DOCK2: variants seen among roughly 807,000 people sequenced by gnomAD.
DOCK2 encodes dedicator of cytokinesis protein 2.
In DOCK2, 87 loss-of-function variants were observed where a neutral mutation model predicts 248.9. That is an observed-to-expected ratio of 0.35 (90% CI 0.29 to 0.42). The LOEUF (loss-of-function observed/expected upper bound fraction) is 0.42, where lower values mean the gene tolerates loss of function less well. Ranked by LOEUF, DOCK2 falls within the 10% of genes least tolerant of loss-of-function variation. The pLI, the probability that DOCK2 is intolerant of heterozygous loss-of-function variation, is 1.00. For synonymous variants in DOCK2, 805 were observed against 821.6 expected, an observed-to-expected ratio of 0.98 and a Z score of 0.35; for missense variants, 1,747 against 2,300.2, an observed-to-expected ratio of 0.76 and a Z score of 4.92.
Position 170,080,444 on chromosome 5 carries a change from C to G in DOCK2, c.5287+161C>G, listed in dbSNP as rs962839878. The G allele has an allele frequency of 8.3e-6, 9 of 1,081,626 alleles. No homozygotes were observed. The Middle Eastern group carries it at 9.3e-4, about 112-fold the overall frequency. The allele number at this position is 1,081,626 out of a possible 1,614,324, so 67.0% of individuals were successfully genotyped here. ...AGCCACCCACCCTCTAATCTCTCCC[C>G]ACACCCACCACTTCCTGGGGGTGAC... On this transcript the variant is annotated intron_variant, in intron 50 of 51. Coordinates refer to ENST00000520908, the MANE Select transcript of DOCK2 (RefSeq NM_004946.3).
chr5:169,821,271 C>A (rs1768420104), intron 26 of DOCK2, among the ~76,000 whole-genome samples: 1 of 152,108 alleles, frequency 6.6e-6, no homozygotes, highest in Non-Finnish European at 1.5e-5. Flanking sequence ...ACAGAGAACG[C>A]CACAAAGATA....
intron 25 of DOCK2, among the ~76,000 whole-genome samples, chr5:169,797,378 A>G (rs1650873): frequency 0.87 from 132,496 of 152,254 alleles, 57,792 homozygotes; most frequent in East Asian, 0.98. Context: ...TGATACTGGC[A>G]AGGAGCAGGT....
chr5:169,739,991 G>T (rs934895112), intron 22 of DOCK2, among the ~76,000 whole-genome samples: 8 of 152,106 alleles, frequency 5.3e-5, no homozygotes, highest in Non-Finnish European at 1.2e-4. Context: ...TAATTATATT[G>T]GGGGGAAAAA....
At position 170,004,284 on chromosome 5, in the gene DOCK2, C is replaced by A. The variant is rs148562582; in HGVS notation, c.3073-4213C>A. On this transcript the variant is annotated intron_variant, in intron 30 of 51. Transcript: ENST00000520908. ...CACAATGGTTGAACTAGTTTACAGT[C>A]CCACCAACAGTGTAAGAGTGTTCCT... Among the ~76,000 whole-genome samples, 582 of 152,274 alleles carry A rather than the reference C, an allele frequency of 3.8e-3. 5 individuals carry two copies. Among genetic ancestry groups the A allele is most frequent in the African/African-American group, 0.014 (564 of 41,544 alleles).
chr5:170,012,536 G>A (rs767250970), intron 32 of DOCK2, among the ~76,000 whole-genome samples: 3 of 152,178 alleles, frequency 2.0e-5, no homozygotes, highest in Non-Finnish European at 4.4e-5. Context: ...CAGGCTTGAA[G>A]ATTATTTAAC....
intron 27 of DOCK2, among the ~76,000 whole-genome samples, chr5:169,849,543 A>C (rs779367766): frequency 3.3e-5 from 5 of 152,278 alleles, no homozygotes; most frequent in Non-Finnish European, 7.3e-5. Flanking sequence ...GGCAACTTTC[A>C]GAAACATAAA....
intron 26 of DOCK2, among the ~76,000 whole-genome samples, chr5:169,831,622 A>G (rs1769231680): frequency 6.6e-6 from 1 of 152,228 alleles, no homozygotes; most frequent in Non-Finnish European, 1.5e-5. Context: ...CACTTCACTC[A>G]TCTCTAAATC....
chr5:169,726,670 T>C (rs1303876225), intron 22 of DOCK2, among the ~76,000 whole-genome samples: 3 of 152,330 alleles, frequency 2.0e-5, no homozygotes, highest in Non-Finnish European at 4.4e-5. Flanking sequence ...GGCACTTTGT[T>C]AAGTCATGGG....
chr5:170,034,297 TTGAC>T, intron 34 of DOCK2, 98 bp from the exon 35 acceptor site: 17 of 1,460,148 alleles, frequency 1.2e-5, no homozygotes, highest in East Asian at 2.3e-5. Context: ...GGAACTTGGG[TTGAC>T]TGACTGATTT....
intron 15 of DOCK2, among the ~76,000 whole-genome samples, chr5:169,709,188 C>G (rs562271567): frequency 6.6e-6 from 1 of 152,296 alleles, no homozygotes; most frequent in South Asian, 2.1e-4. Context: ...TTCAAGATGC[C>G]CTTCAAACAC....
chr5:169,777,991 G>C (rs1765477875), intron 25 of DOCK2, among the ~76,000 whole-genome samples: 1 of 152,146 alleles, frequency 6.6e-6, no homozygotes, highest in Non-Finnish European at 1.5e-5. Context: ...TGAATGAGGG[G>C]ATACGTGAGC....
intron 46 of DOCK2, among the ~76,000 whole-genome samples, chr5:170,074,788 G>A (rs1390528400): frequency 6.6e-6 from 1 of 152,222 alleles, no homozygotes; most frequent in Non-Finnish European, 1.5e-5. Flanking sequence ...GCTGCAGGGT[G>A]AGGCAGTCAG....
Position 170,081,888 on chromosome 5 carries a change from C to A in DOCK2, c.5334C>A (p.Asn1778Lys). 6.2e-7 allele frequency: 1 copy of A among 1,613,922 alleles called. No homozygotes were observed. Among genetic ancestry groups the A allele is most frequent in the Non-Finnish European group, 8.5e-7 (1 of 1,179,976 alleles). Residue 1778 changes from asparagine (N) to lysine (K), a missense_variant, in exon 51 of 52, where the codon AAC becomes AAA. Asn to Lys is a moderately conservative substitution (Grantham distance 94). Coordinates refer to ENST00000520908, the MANE Select transcript of DOCK2 (RefSeq NM_004946.3). ...GCATCCCTGGGTTGGATGAGGCCAA[C>A]ACATCTCCCCGCCTCAGCCAGACCT... The part of the protein sequence containing the change: ...VAGIPGLDEA[N>K]TSPRLSQTFL...
At chr5:169,854,839 C>T (rs1185564182) in intron 27 of DOCK2, among the ~76,000 whole-genome samples, 1 of 152,162 alleles carries the variant, frequency 6.6e-6, no homozygotes, top group Admixed American at 6.5e-5. Flanking sequence ...TGGAGATGAG[C>T]ATGAGAGATT....
intron 22 of DOCK2, among the ~76,000 whole-genome samples, chr5:169,725,505 A>C (rs1308493506): frequency 7.8e-6 from 1 of 127,392 alleles, no homozygotes; most frequent in African/African-American, 2.5e-5. Context: ...TTTATTTATT[A>C]TTTTTCTTTT....
At chr5:169,802,993 T>A in intron 25 of DOCK2, 65 bp from the exon 26 acceptor site, 2 of 1,559,046 alleles carry the variant, frequency 1.3e-6, no homozygotes, top group Non-Finnish European at 1.7e-6. Context: ...ATTGTATGCA[T>A]ATATGAAAGA....
chr5:169,852,487 T>C (rs1223522406), intron 27 of DOCK2, among the ~76,000 whole-genome samples: 1 of 152,214 alleles, frequency 6.6e-6, no homozygotes, highest in Non-Finnish European at 1.5e-5. Context: ...AGTGTCCTCC[T>C]TTCCTCAAGA....
At chr5:170,043,000 A>G (rs538508182) in intron 38 of DOCK2, among the ~76,000 whole-genome samples, 2 of 152,212 alleles carry the variant, frequency 1.3e-5, no homozygotes, top group Non-Finnish European at 2.9e-5. Flanking sequence ...TGGATAAATG[A>G]CATGCAGTGT....
chr5:169,837,934 C>A (rs1769691408), intron 26 of DOCK2, among the ~76,000 whole-genome samples: 1 of 151,878 alleles, frequency 6.6e-6, no homozygotes, highest in East Asian at 1.9e-4. Context: ...AAGCAAGGGG[C>A]AGGAGGTCAA....
Sources: allele counts gnomAD v4.1 joint callset (sites outside exome capture counted in the v4.1 genomes callset), GRCh38; gene constraint gnomAD v4.1.1; transcripts MANE v1.5; gene names NCBI Gene and HGNC (gene_info 2026-07-23, HGNC 2026-07-21).